Variants in TOPAZ1 observed in about 807,000 individuals in gnomAD.
The protein encoded by TOPAZ1 is protein TOPAZ1.
Under a neutral mutation model 172.2 loss-of-function variants are expected in TOPAZ1, and 66 were observed. The observed-to-expected ratio is 0.38, with a 90% CI of 0.31 to 0.47. TOPAZ1 has a LOEUF of 0.47. Among genes scored for constraint, TOPAZ1 ranks in the 20% least tolerant of loss-of-function variants. The pLI, the probability that TOPAZ1 is intolerant of heterozygous loss-of-function variation, is 0.99. For missense variants in TOPAZ1, 1,822 were observed against 1,972.4 expected (o/e 0.92, Z 1.44); for synonymous variants, 681 against 683.9 (o/e 1.00, Z 0.07).
At chr3:44,278,102 T>G (rs1699983835) in intron 8 of TOPAZ1, among the ~76,000 whole-genome samples, 1 of 152,240 alleles carries the variant, frequency 6.6e-6, no homozygotes, top group African/African-American at 2.4e-5. Context: ...ATATTGAATT[T>G]TATTAAATGC....
chr3:44,279,082 A>AC (rs1195027408), intron 8 of TOPAZ1, among the ~76,000 whole-genome samples: 2 of 152,016 alleles, frequency 1.3e-5, no homozygotes, highest in Non-Finnish European at 2.9e-5. Context: ...TTCTTTCTTG[A>AC]CCCGATGGTC....
At chr3:44,289,568 C>G (rs1700114742) in intron 11 of TOPAZ1, among the ~76,000 whole-genome samples, 1 of 151,902 alleles carries the variant, frequency 6.6e-6, no homozygotes, top group South Asian at 2.1e-4. Flanking sequence ...CAAAAGGGGC[C>G]GAGTACCACT....
chr3:44,298,214 A>G (rs1227711274), intron 12 of TOPAZ1, among the ~76,000 whole-genome samples: 2 of 152,196 alleles, frequency 1.3e-5, no homozygotes, highest in Non-Finnish European at 1.5e-5. Flanking sequence ...CTGTAATCAC[A>G]ATACTTTGGG....
Position 44,244,905 on chromosome 3 carries a change from C to A in TOPAZ1, c.2399C>A (p.Ser800Tyr). 1.3e-6 allele frequency: 2 copies of A among 1,551,736 alleles called. No individual in the cohort carries two copies. Among genetic ancestry groups the A allele is most frequent in the Non-Finnish European group, 1.7e-6 (2 of 1,147,004 alleles). Reference protein sequence around the residue: ...GNIVSNKEVASLTVENNAFSC... With the variant: ...GNIVSNKEVAYLTVENNAFSC... ...ATTGTTTCTAATAAAGAAGTTGCTT[C>A]TCTCACAGTTGAAAATAATGCTTTT... Residue 800 changes from serine (S) to tyrosine (Y), a missense_variant, in exon 2 of 20, where the codon TCT becomes TAT. By Grantham distance (144) the Ser-to-Tyr change is moderately radical. This residue lies in a region of TOPAZ1 where 1,489 missense variants were observed against 1,490.8 expected (regional missense o/e 1.00). Coordinates refer to ENST00000309765, the MANE Select transcript of TOPAZ1 (RefSeq NM_001145030.2).
chr3:44,276,621 G>GTTTTTTTTTTT (rs1699960637), intron 8 of TOPAZ1, among the ~76,000 whole-genome samples: 1 of 26,552 alleles, frequency 3.8e-5, no homozygotes, highest in African/African-American at 2.1e-4. Context: ...CTCCAGCTTT[G>GTTTTTTTTTTT]TTCTTTTTTT....
chr3:44,290,052 G>A (rs975611906), intron 11 of TOPAZ1, among the ~76,000 whole-genome samples: 11 of 152,106 alleles, frequency 7.2e-5, no homozygotes, highest in African/African-American at 2.7e-4. Flanking sequence ...GGAGGACCTA[G>A]TCATTATACC....
At position 44,304,030 on chromosome 3, in the gene TOPAZ1, A is replaced by T. The variant is rs1466516373; in HGVS notation, c.3813A>T (p.Arg1271=). 6.5e-7 allele frequency: 1 copy of T among 1,539,236 alleles called. No individual in the cohort carries two copies. Among genetic ancestry groups the T allele is most frequent in the African/African-American group, 1.4e-5 (1 of 72,828 alleles). ...LEMKSRLQMR[R]FKKNWKCDLD... is the part of the protein sequence containing the mutation. ...TTTGTTAAAGGTTACAGATGAGACG[A>T]TTTAAAAAGAACTGGAAGTGTGATT... Residue 1271 remains arginine (R), a synonymous_variant, in exon 13 of 20, where the codon CGA becomes CGT. Transcript: ENST00000309765.
chr3:44,319,763 G>A (rs1345334747), intron 16 of TOPAZ1, among the ~76,000 whole-genome samples: 5 of 152,192 alleles, frequency 3.3e-5, no homozygotes, highest in African/African-American at 1.2e-4. Context: ...AATCACATGG[G>A]CTCTAGTAAT....
intron 15 of TOPAZ1, among the ~76,000 whole-genome samples, chr3:44,309,147 T>C (rs1247695117): frequency 6.6e-6 from 1 of 152,262 alleles, no homozygotes; most frequent in East Asian, 1.9e-4. Flanking sequence ...TGGCTCATGG[T>C]ATAAAATAAT....
At chr3:44,290,657 CT>C in intron 11 of TOPAZ1, 113 bp from the exon 12 acceptor site, 1 of 628,892 alleles carries the variant, frequency 1.6e-6, no homozygotes, top group Non-Finnish European at 2.8e-6. Context: ...TTTTATTCCA[CT>C]TGTCTCCATG....
chr3:44,259,262 T>C (rs1382914967), intron 4 of TOPAZ1, among the ~76,000 whole-genome samples: 1 of 152,128 alleles, frequency 6.6e-6, no homozygotes, highest in Non-Finnish European at 1.5e-5. Flanking sequence ...TCTGCCTGCT[T>C]TTCATATCTC....
downstream of TOPAZ1, among the ~76,000 whole-genome samples, chr3:44,336,413 G>T (rs889234070): frequency 3.3e-5 from 5 of 152,186 alleles, no homozygotes; most frequent in Non-Finnish European, 5.9e-5. Flanking sequence ...TGTTTATAAA[G>T]CTGAATAACT....
chr3:44,252,698 T>C (rs976675824), intron 2 of TOPAZ1, among the ~76,000 whole-genome samples: 1 of 152,246 alleles, frequency 6.6e-6, no homozygotes, highest in African/African-American at 2.4e-5. Flanking sequence ...TCTGAGATAT[T>C]ATTCCAGGGA....
At position 44,244,208 on chromosome 3, in the gene TOPAZ1, A is replaced by G. The variant is rs1275417311; in HGVS notation, c.1702A>G (p.Asn568Asp). 2 of 1,549,134 alleles carry G rather than the reference A, an allele frequency of 1.3e-6. No homozygotes were observed. Among genetic ancestry groups the G allele is most frequent in the Admixed American group, 3.9e-5 (2 of 50,842 alleles). ...ESSSKEKLDS[N>D]SNCLSSVSAV... ...TTCAAGTAAAGAAAAATTAGATTCT[A>G]ATTCTAATTGTTTGTCTTCAGTTTC... Residue 568 changes from asparagine to aspartate, a missense_variant, in exon 2 of 20, where the codon AAT (asparagine) becomes GAT (aspartate). Coordinates refer to ENST00000309765, the MANE Select transcript of TOPAZ1 (RefSeq NM_001145030.2).
chr3:44,336,160 T>C (rs1700723669), downstream of TOPAZ1, among the ~76,000 whole-genome samples: 1 of 152,244 alleles, frequency 6.6e-6, no homozygotes, highest in South Asian at 2.1e-4. Context: ...CTGAAGTAGA[T>C]TGCTATCTGG....
Position 44,256,219 on chromosome 3 carries a change from G to T in TOPAZ1, c.2896G>T (p.Glu966Ter). The T allele has an allele frequency of 6.5e-7, 1 of 1,537,060 alleles. No homozygotes were observed. The change falls in exon 4 of 20, where the codon GAA becomes TAA. Residue 966 changes from glutamate (E) to a stop codon, truncating the protein, a stop_gained. Coordinates refer to ENST00000309765, the MANE Select transcript of TOPAZ1 (RefSeq NM_001145030.2). LOFTEE classifies it high-confidence loss of function. ...SLGEVANETS[E>*]NETLGDFSEQ... is the part of the protein sequence containing the mutation. Reference sequence around the variant, plus strand: ...AGGAGAAGTTGCTAATGAGACCTCTGAAAATGAAACACTGGGAGACTTCAG... The same window carrying T: ...AGGAGAAGTTGCTAATGAGACCTCTTAAAATGAAACACTGGGAGACTTCAG...
chr3:44,271,818 A>G (rs1699902235), intron 8 of TOPAZ1, among the ~76,000 whole-genome samples: 1 of 151,344 alleles, frequency 6.6e-6, no homozygotes, highest in Admixed American at 6.6e-5. Context: ...CATAGTCACC[A>G]CTCCATACAA....
chr3:44,316,982 C>G (rs967121678), intron 16 of TOPAZ1, among the ~76,000 whole-genome samples: 1 of 152,200 alleles, frequency 6.6e-6, no homozygotes, highest in Non-Finnish European at 1.5e-5. Flanking sequence ...TCTATCCTCT[C>G]TCCACTTGTC....
chr3:44,268,363 A>ATTTTTT (rs1293339613), intron 6 of TOPAZ1, among the ~76,000 whole-genome samples: 3 of 91,756 alleles, frequency 3.3e-5, no homozygotes, highest in African/African-American at 8.0e-5. Context: ...TGTGGTGCCT[A>ATTTTTT]TTCTTTTTTT....
Sources: gnomAD v4.1 joint callset for allele counts (sites outside exome capture counted in the v4.1 genomes callset) on GRCh38, gnomAD v4.1.1 for gene constraint, gnomAD v4.1.1 regional missense constraint, MANE v1.5 for transcripts, NCBI Gene and HGNC (gene_info 2026-07-23, HGNC 2026-07-21) for gene names.